Variants in DMRT1 observed in about 807,000 individuals in gnomAD.
The protein encoded by DMRT1 is doublesex and mab-3 related transcription factor 1.
DMRT1 carries 7 observed loss-of-function variants against 32.3 expected under a neutral mutation model. The observed-to-expected ratio is 0.22, with a 90% CI of 0.12 to 0.41. The LOEUF (loss-of-function observed/expected upper bound fraction) is 0.41, where lower values mean the gene tolerates loss of function less well. Ranked by LOEUF, DMRT1 falls within the 10% of genes least tolerant of loss-of-function variation. The probability of loss-of-function intolerance (pLI) is 1.00; values close to 1 mark genes in which losing one functional copy is unlikely to be tolerated. For synonymous variants in DMRT1, 278 were observed against 206.1 expected (o/e 1.35, Z -2.99); for missense variants, 625 against 500.5 (o/e 1.25, Z -2.37).
At chr9:894,365 T>G in intron 3 of DMRT1, 170 bp downstream of exon 3, 1 of 710,660 alleles carries the variant, frequency 1.4e-6, no homozygotes, top group South Asian at 1.5e-5. Flanking sequence ...TGCACACATG[T>G]AGGCACAATA....
intron 3 of DMRT1, among the ~76,000 whole-genome samples, chr9:903,909 T>C (rs912596679): frequency 2.0e-5 from 3 of 152,182 alleles, no homozygotes; most frequent in African/African-American, 7.2e-5. Flanking sequence ...ATTAGGTTTT[T>C]CAGCAACCTT....
chr9:858,696 A>T (rs1263636758), intron 2 of DMRT1, among the ~76,000 whole-genome samples: 1 of 151,944 alleles, frequency 6.6e-6, no homozygotes, highest in East Asian at 1.9e-4. Flanking sequence ...CAACATGGCG[A>T]ATCCCTGTCT....
intron 2 of DMRT1, among the ~76,000 whole-genome samples, chr9:892,120 C>T (rs1817175213): frequency 6.6e-6 from 1 of 152,184 alleles, no homozygotes; most frequent in African/African-American, 2.4e-5. Context: ...CCGCAAGGCC[C>T]TGAAGACCTA....
chr9:953,454 T>A (rs925523182), intron 4 of DMRT1, among the ~76,000 whole-genome samples: 2 of 152,186 alleles, frequency 1.3e-5, no homozygotes, highest in African/African-American at 4.8e-5. Flanking sequence ...ATGCATTTAT[T>A]TTCTAAATGA....
chr9:856,621 T>C (rs900643802), intron 2 of DMRT1, among the ~76,000 whole-genome samples: 1 of 152,232 alleles, frequency 6.6e-6, no homozygotes, highest in African/African-American at 2.4e-5. Context: ...ATATACCACA[T>C]TATTTTTCTG....
intron 4 of DMRT1, among the ~76,000 whole-genome samples, chr9:949,620 A>T (rs929478636): frequency 2.0e-5 from 3 of 152,210 alleles, no homozygotes; most frequent in African/African-American, 4.8e-5. Flanking sequence ...GTTTTTAAGC[A>T]TAAAATACAG....
At chr9:891,946 CAG>C (rs1817167689) in intron 2 of DMRT1, among the ~76,000 whole-genome samples, 1 of 152,212 alleles carries the variant, frequency 6.6e-6, no homozygotes, top group Non-Finnish European at 1.5e-5. Flanking sequence ...ACGGAGGACA[CAG>C]TGGTGTGCCC....
rs376660386 is a variant in DMRT1 at position 911,800 on chromosome 9, C to G, written c.823-4963C>G. On this transcript the variant is annotated intron_variant, in intron 3 of 4. Transcript: ENST00000382276. ...AGCCACCGCGCCCATCCATGAATTG[C>G]AGTTTTAACATCCTGTTTATATTGC... is the stretch of plus-strand genomic sequence containing the variant. Among the ~76,000 whole-genome samples, 15 of 152,218 alleles carry G rather than the reference C, an allele frequency of 9.9e-5. No individual in the cohort carries two copies. In the East Asian group the frequency reaches 1.9e-3, roughly 20 times the overall value.
intron 2 of DMRT1, among the ~76,000 whole-genome samples, chr9:860,389 GT>G (rs1363242538): frequency 7.4e-6 from 1 of 135,748 alleles, no homozygotes; most frequent in Non-Finnish European, 1.7e-5. Context: ...GGCAATAAAT[GT>G]TTGCTGAATT....
At chr9:842,246 T>TC in intron 1 of DMRT1, 54 bp downstream of exon 1, 2 of 1,505,028 alleles carry the variant, frequency 1.3e-6, no homozygotes, top group Non-Finnish European at 8.8e-7. Context: ...TTTTTTTTTT[T>TC]TTTTTTTAGA....
intron 4 of DMRT1, among the ~76,000 whole-genome samples, chr9:925,162 C>T (rs10759049): frequency 0.69 from 105,148 of 152,086 alleles, 37,180 homozygotes; most frequent in South Asian, 0.85. Context: ...GCTTCGTACT[C>T]CTCCAGGTGC....
intron 3 of DMRT1, among the ~76,000 whole-genome samples, chr9:908,796 G>T (rs1470726521): frequency 6.6e-6 from 1 of 152,058 alleles, no homozygotes; most frequent in African/African-American, 2.4e-5. Context: ...CTGCCCTGTT[G>T]TGTGAGCGTC....
At chr9:913,149 C>G (rs75152931) in intron 3 of DMRT1, among the ~76,000 whole-genome samples, 5,334 of 152,176 alleles carry the variant, frequency 0.035, 300 homozygotes, top group East Asian at 0.17. Context: ...AAAAAAACAT[C>G]CAGCATTTTG....
intron 2 of DMRT1, among the ~76,000 whole-genome samples, chr9:868,444 A>G (rs543708996): frequency 1.1e-4 from 17 of 152,314 alleles, no homozygotes; most frequent in East Asian, 5.8e-4. Context: ...ACTACTTAGA[A>G]TAAAAGTGAA....
At chr9:854,108 G>GC (rs1337958126) in intron 2 of DMRT1, among the ~76,000 whole-genome samples, 1 of 116,562 alleles carries the variant, frequency 8.6e-6, no homozygotes, top group Admixed American at 8.9e-5. Context: ...TACACACTAA[G>GC]CCCATTTTTT....
chr9:925,583 G>A (rs1231361445), intron 4 of DMRT1, among the ~76,000 whole-genome samples: 3 of 152,174 alleles, frequency 2.0e-5, no homozygotes, highest in Non-Finnish European at 2.9e-5. Flanking sequence ...GCCAGCCTAC[G>A]AACTCAGATC....
intron 3 of DMRT1, among the ~76,000 whole-genome samples, chr9:895,255 C>A (rs941695880): frequency 6.6e-6 from 1 of 152,072 alleles, no homozygotes; most frequent in Non-Finnish European, 1.5e-5. Flanking sequence ...TCATCATGCC[C>A]GTTTGTTAGC....
intron 4 of DMRT1, among the ~76,000 whole-genome samples, chr9:924,193 T>C (rs1818448962): frequency 6.6e-6 from 1 of 151,390 alleles, no homozygotes; most frequent in Non-Finnish European, 1.5e-5. Context: ...TACCTCAGCC[T>C]CCTGAGAAGC....
At chr9:851,727 A>G (rs962641095) in intron 2 of DMRT1, among the ~76,000 whole-genome samples, 12 of 152,214 alleles carry the variant, frequency 7.9e-5, no homozygotes, top group African/African-American at 2.4e-4. Flanking sequence ...AGGATAACAT[A>G]TATTAGAAGA....
Sources: allele counts gnomAD v4.1 joint callset (sites outside exome capture counted in the v4.1 genomes callset), GRCh38; gene constraint gnomAD v4.1.1; transcripts MANE v1.5; gene names NCBI Gene and HGNC (gene_info 2026-07-23, HGNC 2026-07-21).